The following XKR6 variants were observed in gnomAD, a reference collection of about 807,000 sequenced individuals.
XKR6 encodes the protein XK related 6.
In XKR6, 22 loss-of-function variants were observed where a neutral mutation model predicts 56.7. That is an observed-to-expected ratio of 0.39 (90% CI 0.28 to 0.55). The LOEUF (loss-of-function observed/expected upper bound fraction) is 0.55. XKR6 is among the 20% of genes least tolerant of loss of function. The probability of loss-of-function intolerance (pLI) is 0.66; values close to 1 mark genes in which losing one functional copy is unlikely to be tolerated. For missense variants in XKR6, 852 were observed against 889.0 expected (o/e 0.96, Z 0.53); for synonymous variants, 524 against 387.8 (o/e 1.35, Z -4.13).
intron 1 of XKR6, among the ~76,000 whole-genome samples, chr8:11,059,629 C>CGCGGG (rs1328442242): frequency 4.1e-4 from 62 of 150,262 alleles, no homozygotes; most frequent in Admixed American, 3.1e-3. Context: ...GCGCGGGGGG[C>CGCGGG]GCGGGGCGGG....
intron 1 of XKR6, among the ~76,000 whole-genome samples, chr8:11,024,024 C>T (rs555903965): frequency 1.3e-5 from 2 of 152,156 alleles, no homozygotes; most frequent in African/African-American, 2.4e-5. Context: ...CACAACACCA[C>T]GCAGCCCTAT....
intron 1 of XKR6, chr8:11,124,941 T>C (rs74463887): frequency 2.0e-5 from 3 of 147,196 alleles, no homozygotes; most frequent in Admixed American, 2.0e-4. Flanking sequence ...AAAAAAAAAT[T>C]AGCCGGGCGT....
chr8:11,139,963 G>C (rs1409015059), intron 1 of XKR6, among the ~76,000 whole-genome samples: 1 of 152,164 alleles, frequency 6.6e-6, no homozygotes, highest in Non-Finnish European at 1.5e-5. Flanking sequence ...ACGAAGGTAA[G>C]CCAGAATGAT....
chr8:11,004,712 C>A (rs932940457), intron 1 of XKR6, among the ~76,000 whole-genome samples: 1 of 152,164 alleles, frequency 6.6e-6, no homozygotes, highest in African/African-American at 2.4e-5. Context: ...TAATTAAAAG[C>A]AGGGACTCAA....
intron 1 of XKR6, chr8:11,194,676 AT>A (rs1249625658): frequency 6.7e-6 from 1 of 149,758 alleles, no homozygotes; most frequent in Non-Finnish European, 1.5e-5. Context: ...GAATCTTTCC[AT>A]CCCACAGAAT....
chr8:11,004,848 T>C (rs1030614865), intron 1 of XKR6, among the ~76,000 whole-genome samples: 1 of 152,212 alleles, frequency 6.6e-6, no homozygotes, highest in Non-Finnish European at 1.5e-5. Flanking sequence ...TGAAACATTA[T>C]TCAGCCTTAA....
chr8:10,912,801 G>T (rs7834248), intron 2 of XKR6, among the ~76,000 whole-genome samples: 71,751 of 146,076 alleles, frequency 0.49, 18,422 homozygotes, highest in African/African-American at 0.62. Flanking sequence ...CATATATATA[G>T]AGAGAGAGGC....
At chr8:10,988,019 T>C (rs960598749) in intron 1 of XKR6, among the ~76,000 whole-genome samples, 46 of 152,298 alleles carry the variant, frequency 3.0e-4, no homozygotes, top group African/African-American at 1.1e-3. Context: ...CCCCTTGTTT[T>C]CCACTGAAAA....
intron 2 of XKR6, among the ~76,000 whole-genome samples, chr8:10,904,170 C>T (rs1210980839): frequency 6.6e-6 from 1 of 152,186 alleles, no homozygotes; most frequent in Non-Finnish European, 1.5e-5. Context: ...CAGTGACCTT[C>T]ACAGCTCCCT....
At chr8:10,956,864 A>G (rs1054206566) in intron 1 of XKR6, among the ~76,000 whole-genome samples, 4 of 152,228 alleles carry the variant, frequency 2.6e-5, no homozygotes, top group African/African-American at 9.6e-5. Context: ...TCTGGGCTTC[A>G]AAACCCTAAA....
At chr8:11,083,041 C>T (rs750492942) in intron 1 of XKR6, among the ~76,000 whole-genome samples, 2 of 152,236 alleles carry the variant, frequency 1.3e-5, no homozygotes, top group Non-Finnish European at 2.9e-5. Context: ...GCTTTAGAAT[C>T]CTCCTGCCCT....
chr8:10,971,012 T>C (rs1327147276), intron 1 of XKR6, among the ~76,000 whole-genome samples: 1 of 151,830 alleles, frequency 6.6e-6, no homozygotes, highest in African/African-American at 2.4e-5. Flanking sequence ...AAACTGAGTG[T>C]TCAACTGCAG....
At chr8:11,147,629 C>G (rs181559396) in intron 1 of XKR6, among the ~76,000 whole-genome samples, 50 of 144,262 alleles carry the variant, frequency 3.5e-4, no homozygotes, top group African/African-American at 1.3e-3. Flanking sequence ...GCACTCCAGC[C>G]TTGTGACAGA....
intron 1 of XKR6, among the ~76,000 whole-genome samples, chr8:10,985,296 T>A (rs1020972902): frequency 9.9e-5 from 15 of 152,256 alleles, no homozygotes; most frequent in Middle Eastern, 3.4e-3. Flanking sequence ...TCATGAGATC[T>A]GATGGTTTTA....
intron 1 of XKR6, among the ~76,000 whole-genome samples, chr8:11,146,009 G>C (rs1800964343): frequency 6.6e-6 from 1 of 151,966 alleles, no homozygotes; most frequent in Non-Finnish European, 1.5e-5. Flanking sequence ...AAGGACAATG[G>C]AACAGAATCA....
intron 2 of XKR6, among the ~76,000 whole-genome samples, chr8:10,905,940 G>A (rs1430460472): frequency 6.6e-6 from 1 of 152,130 alleles, no homozygotes; most frequent in Non-Finnish European, 1.5e-5. Context: ...ACATGGCAAG[G>A]GAGTGATGTG....
chr8:11,097,769 C>G (rs1273530481), intron 1 of XKR6, among the ~76,000 whole-genome samples: 1 of 142,108 alleles, frequency 7.0e-6, no homozygotes, highest in Non-Finnish European at 1.5e-5. Flanking sequence ...ATCACGCCAC[C>G]GCACTCCAGC....
intron 1 of XKR6, among the ~76,000 whole-genome samples, chr8:10,996,988 A>T (rs142133156): frequency 6.6e-6 from 1 of 152,218 alleles, no homozygotes; most frequent in African/African-American, 2.4e-5. Flanking sequence ...AATAAAATAA[A>T]ATAACAACAA....
intron 1 of XKR6, among the ~76,000 whole-genome samples, chr8:11,167,439 C>G (rs1802135560): frequency 6.6e-6 from 1 of 152,148 alleles, no homozygotes; most frequent in South Asian, 2.1e-4. Flanking sequence ...AAGGTTCATG[C>G]TTAAAACTCA....
Sources: allele counts gnomAD v4.1 joint callset (sites outside exome capture counted in the v4.1 genomes callset), GRCh38; gene constraint gnomAD v4.1.1; transcripts MANE v1.5; gene names NCBI Gene and HGNC (gene_info 2026-07-23, HGNC 2026-07-21).